PTPRN2: variants seen among roughly 807,000 people sequenced by gnomAD.
PTPRN2 encodes the protein receptor-type tyrosine-protein phosphatase N2.
A neutral mutation model predicts 118.8 loss-of-function variants in PTPRN2; 74 were observed. The ratio of observed to expected loss-of-function variants is 0.62; its 90% confidence interval spans 0.52 to 0.76. The LOEUF (loss-of-function observed/expected upper bound fraction) is 0.76. PTPRN2 is among the 30% of genes least tolerant of loss of function. PTPRN2 has a pLI of 0.00. For synonymous variants in PTPRN2, 641 were observed against 608.0 expected (o/e 1.05, Z -0.80); for missense variants, 1,481 against 1,394.4 (o/e 1.06, Z -0.99).
chr7:158,050,670 G>A (rs1809257735), intron 11 of PTPRN2, among the ~76,000 whole-genome samples: 1 of 152,200 alleles, frequency 6.6e-6, no homozygotes, highest in South Asian at 2.1e-4. Flanking sequence ...TGCTAGGGTG[G>A]GTAGGGAAGG....
intron 12 of PTPRN2, among the ~76,000 whole-genome samples, chr7:157,710,758 C>T (rs1453294256): frequency 9.1e-6 from 1 of 109,496 alleles, no homozygotes; most frequent in Non-Finnish European, 2.2e-5. Context: ...CCTCAGCCCG[C>T]CCATGTGCAG....
At chr7:157,614,669 C>T (rs1023702289) in intron 15 of PTPRN2, among the ~76,000 whole-genome samples, 21 of 152,162 alleles carry the variant, frequency 1.4e-4, no homozygotes, top group African/African-American at 4.3e-4. Flanking sequence ...CCCAGGACTG[C>T]GGAGTGTGGC....
intron 12 of PTPRN2, among the ~76,000 whole-genome samples, chr7:157,733,495 T>G (rs79712555): frequency 0.035 from 860 of 24,534 alleles, 130 homozygotes; most frequent in Admixed American, 0.071. Flanking sequence ...GTTACTCTTT[T>G]CCGTCCCATG....
intron 11 of PTPRN2, among the ~76,000 whole-genome samples, chr7:157,983,447 T>G: frequency 6.7e-6 from 1 of 150,184 alleles, no homozygotes; most frequent in African/African-American, 2.5e-5. Context: ...GAATGCAGAG[T>G]GCGGGGTCTC....
rs551853712 is a variant in PTPRN2 at position 157,732,872 on chromosome 7, C to T, written c.1789-49935G>A. 1.2e-4 allele frequency among the ~76,000 whole-genome samples: 2 copies of T among 16,064 alleles called. 1 individual carries two copies. Among genetic ancestry groups the T allele is most frequent in the African/African-American group, 6.2e-4 (2 of 3,230 alleles). 10.5% of individuals were successfully genotyped at this position (16,064 alleles called of 152,430 possible). A position where few individuals can be genotyped will look rare whatever the true frequency, so the allele number is the denominator to read the frequency against. On this transcript the variant is annotated intron_variant, in intron 12 of 22. Coordinates refer to ENST00000389418, the MANE Select transcript of PTPRN2 (RefSeq NM_002847.5). ...CACAGTTACTCTTTTCCGTCCCATG[C>T]GCCCAGCACAGTTACTCTTTCCCGT... is the stretch of plus-strand genomic sequence containing the variant.
Position 158,176,757 on chromosome 7 carries a change from G to C in PTPRN2, c.550-9466C>G, listed in dbSNP as rs115773040. Among the ~76,000 whole-genome samples, 754 of 152,346 alleles carry C rather than the reference G, an allele frequency of 4.9e-3. 5 individuals are homozygous for C. Among genetic ancestry groups the C allele is most frequent in the African/African-American group, 0.017 (710 of 41,584 alleles). On this transcript the variant is annotated intron_variant, in intron 5 of 22. Coordinates refer to ENST00000389418, the MANE Select transcript of PTPRN2 (RefSeq NM_002847.5). ...ATGCCCTGGGGCCAATTTTCCACCA[G>C]AGCTCCGCTTCCCACCAAAGGTCAT...
intron 2 of PTPRN2, among the ~76,000 whole-genome samples, chr7:158,340,993 C>A: frequency 1.4e-5 from 1 of 73,804 alleles, no homozygotes; most frequent in Non-Finnish European, 3.0e-5. Context: ...ACACTCTCAC[C>A]ATAAGAGGTG....
At chr7:158,261,712 C>T (rs144658564) in intron 3 of PTPRN2, among the ~76,000 whole-genome samples, 3 of 152,186 alleles carry the variant, frequency 2.0e-5, no homozygotes, top group East Asian at 3.9e-4. Context: ...GCATGCACAC[C>T]GCCAGGACAC....
chr7:157,729,595 C>T lies in PTPRN2; in HGVS notation c.1789-46658G>A, dbSNP rs1300972767. On this transcript the variant is annotated intron_variant, in intron 12 of 22. Coordinates refer to ENST00000389418, the MANE Select transcript of PTPRN2 (RefSeq NM_002847.5). This position sits in a 1 kb window ranked among gnomAD's most constrained non-coding sequence, Gnocchi z 4.3. ...ATCAGAGCTTGCAAAAGGAGCTCTG[C>T]AGTGCCTGAGACCTGCAAAGGGCCA... 6.6e-6 allele frequency among the ~76,000 whole-genome samples: 1 copy of T among 152,230 alleles called. No homozygotes were observed. The highest frequency in any genetic ancestry group is 1.9e-4 in the East Asian group (1 of 5,200).
rs945437948 is a variant in PTPRN2 at position 158,525,967 on chromosome 7, G to GC, written c.113-36183dup. On this transcript the variant is annotated intron_variant, in intron 1 of 22. Coordinates refer to ENST00000389418, the MANE Select transcript of PTPRN2 (RefSeq NM_002847.5). The surrounding 1 kb of genome is among the most constrained non-coding windows in gnomAD (Gnocchi z 4.1). ...GGTCTCAACATCCCAAGCCGACAAT[G>GC]CCCCCCCATTGACTCGGCTCTCTGC... is the stretch of plus-strand genomic sequence containing the variant. Among the ~76,000 whole-genome samples, 4 of 152,076 alleles carry GC rather than the reference G, an allele frequency of 2.6e-5. No homozygotes were observed. Among genetic ancestry groups the GC allele is most frequent in the Admixed American group, 6.6e-5 (1 of 15,256 alleles).
In PTPRN2 at chr7:158,423,223, C is replaced by T. The variant is rs957212106; in HGVS notation, c.163+66512G>A. Among the ~76,000 whole-genome samples, 4 of 152,246 alleles carry T rather than the reference C, an allele frequency of 2.6e-5. No individual in the cohort carries two copies. The South Asian group carries it at 6.2e-4, about 24-fold the overall frequency. On this transcript the variant is annotated intron_variant, in intron 2 of 22. Coordinates refer to ENST00000389418, the MANE Select transcript of PTPRN2 (RefSeq NM_002847.5). ...CAAGCAAGAAACCCAAGAGAAACCACGGGGGAGAAACCGGGATCCATGTTC... is the reference window on the plus strand; with the variant it reads ...CAAGCAAGAAACCCAAGAGAAACCATGGGGGAGAAACCGGGATCCATGTTC...
At chr7:157,989,504 C>T (rs1191059791) in intron 11 of PTPRN2, among the ~76,000 whole-genome samples, 5 of 120,184 alleles carry the variant, frequency 4.2e-5, no homozygotes, top group East Asian at 3.8e-4. Context: ...CAGAAGAAAG[C>T]GGAGTCTTGT....
intron 11 of PTPRN2, among the ~76,000 whole-genome samples, chr7:158,075,937 C>G (rs978301130): frequency 6.6e-6 from 1 of 152,220 alleles, no homozygotes; most frequent in Admixed American, 6.5e-5. Flanking sequence ...CCGGGCTGCC[C>G]AGGCCACACC....
intron 12 of PTPRN2, among the ~76,000 whole-genome samples, chr7:157,727,529 G>A (rs1799666780): frequency 6.6e-6 from 1 of 152,150 alleles, no homozygotes; most frequent in Admixed American, 6.5e-5. Context: ...CCGGGGTGGG[G>A]GGAGGAACAG....
In PTPRN2 at chr7:157,974,529, A is replaced by C. The variant is rs970335344; in HGVS notation, c.1724-75792T>G. Reference sequence around the variant, plus strand: ...GAACCGTCGGTCCTGCCATGGGACGATGTGACTGGGGGCTCGTCCATGCCT... The same window carrying C: ...GAACCGTCGGTCCTGCCATGGGACGCTGTGACTGGGGGCTCGTCCATGCCT... On this transcript the variant is annotated intron_variant, in intron 11 of 22. Transcript: ENST00000389418. The surrounding 1 kb of genome is among the most constrained non-coding windows in gnomAD (Gnocchi z 4.0). Among the ~76,000 whole-genome samples, 3 of 152,154 alleles carry C rather than the reference A, an allele frequency of 2.0e-5. No individual in the cohort carries two copies. Among genetic ancestry groups the C allele is most frequent in the African/African-American group, 7.2e-5 (3 of 41,410 alleles).
At chr7:158,065,110 G>C (rs541001837) in intron 11 of PTPRN2, among the ~76,000 whole-genome samples, 1 of 152,360 alleles carries the variant, frequency 6.6e-6, no homozygotes, top group Admixed American at 6.5e-5. Context: ...AAATCTGGGA[G>C]TGAGATTGCC....
At chr7:157,862,507 C>T (rs187270203) in intron 12 of PTPRN2, 1 of 152,356 alleles carries the variant, frequency 6.6e-6, no homozygotes, top group Admixed American at 6.5e-5. Flanking sequence ...GGTCAGGATC[C>T]ATGACTTTTT....
At chr7:157,713,137 G>A (rs1043110538) in intron 12 of PTPRN2, among the ~76,000 whole-genome samples, 1 of 152,190 alleles carries the variant, frequency 6.6e-6, no homozygotes, top group African/African-American at 2.4e-5. Context: ...CCCTGAGGTC[G>A]TTTCCATCTG....
At chr7:157,652,921 C>A (rs146077544) in intron 14 of PTPRN2, among the ~76,000 whole-genome samples, 52 of 152,372 alleles carry the variant, frequency 3.4e-4, no homozygotes, top group African/African-American at 1.3e-3. Context: ...CAGAAAGCAG[C>A]AGCGTGAGCT....
Sources: allele counts gnomAD v4.1 joint callset (sites outside exome capture counted in the v4.1 genomes callset), GRCh38; gene constraint gnomAD v4.1.1; non-coding constraint Gnocchi (gnomAD v3.1); transcripts MANE v1.5; gene names NCBI Gene and HGNC (gene_info 2026-07-23, HGNC 2026-07-21).